LRRC4C: variants seen among roughly 807,000 people sequenced by gnomAD.
LRRC4C encodes leucine rich repeat containing 4C.
A neutral mutation model predicts 33.6 loss-of-function variants in LRRC4C; 5 were observed. The ratio of observed to expected loss-of-function variants is 0.15; its 90% CI spans 0.08 to 0.31. LRRC4C has a LOEUF of 0.31. Among genes scored for constraint, LRRC4C ranks in the 10% least tolerant of loss-of-function variants. The pLI is 1.00. For synonymous variants in LRRC4C, 329 were observed against 302.0 expected (o/e 1.09, Z -0.93); for missense variants, 560 against 796.7 (o/e 0.70, Z 3.58).
chr11:40,971,288 C>T (rs80285483), intron 1 of LRRC4C, among the ~76,000 whole-genome samples: 4,406 of 152,244 alleles, frequency 0.029, 239 homozygotes, highest in East Asian at 0.23. Flanking sequence ...GCCTCTCTGC[C>T]CTGCACATCC....
At chr11:41,398,486 T>G (rs555589945) in intron 1 of LRRC4C, among the ~76,000 whole-genome samples, 3 of 152,102 alleles carry the variant, frequency 2.0e-5, no homozygotes, top group African/African-American at 7.2e-5. Context: ...CACTGTAACA[T>G]TTTATTGCTG....
intron 3 of LRRC4C, among the ~76,000 whole-genome samples, chr11:40,432,846 TAG>T (rs915397511): frequency 1.3e-5 from 2 of 152,198 alleles, no homozygotes; most frequent in African/African-American, 2.4e-5. Flanking sequence ...AAGTGCTATT[TAG>T]AGAGTTATTA....
intron 3 of LRRC4C, among the ~76,000 whole-genome samples, chr11:40,567,492 T>A (rs569398460): frequency 3.1e-4 from 47 of 152,310 alleles, no homozygotes; most frequent in African/African-American, 1.1e-3. Context: ...ACACTTGGAT[T>A]TAGCAAAGTT....
At chr11:40,927,926 G>C (rs1301906094) in intron 2 of LRRC4C, among the ~76,000 whole-genome samples, 1 of 151,828 alleles carries the variant, frequency 6.6e-6, no homozygotes, top group African/African-American at 2.4e-5. Flanking sequence ...TGTCAGCGGG[G>C]GAAAAACATT....
chr11:40,744,875 G>T (rs1016168212), intron 2 of LRRC4C, among the ~76,000 whole-genome samples: 6 of 152,026 alleles, frequency 3.9e-5, no homozygotes, highest in Admixed American at 2.6e-4. Context: ...CTTATTGAGG[G>T]AAATGACTTA....
At chr11:41,027,789 G>A (rs1856473329) in intron 1 of LRRC4C, among the ~76,000 whole-genome samples, 1 of 151,552 alleles carries the variant, frequency 6.6e-6, no homozygotes, top group South Asian at 2.1e-4. Flanking sequence ...TTAATACCCA[G>A]GCATTGGGCA....
At chr11:40,579,195 G>A (rs1418574151) in intron 3 of LRRC4C, among the ~76,000 whole-genome samples, 2 of 152,112 alleles carry the variant, frequency 1.3e-5, no homozygotes, top group Non-Finnish European at 2.9e-5. Context: ...AAATTAGCCT[G>A]GATGATGGCA....
intron 4 of LRRC4C, among the ~76,000 whole-genome samples, chr11:40,319,073 C>T (rs562081628): frequency 3.9e-5 from 6 of 152,206 alleles, no homozygotes; most frequent in East Asian, 1.9e-4. Context: ...TAGGTCTCTC[C>T]GATCCTTCAG....
At chr11:40,858,647 T>C (rs2135814340) in intron 2 of LRRC4C, among the ~76,000 whole-genome samples, 1 of 134,754 alleles carries the variant, frequency 7.4e-6, no homozygotes, top group Admixed American at 8.3e-5. Flanking sequence ...TGAGCCAAGA[T>C]CGTGACACTG....
intron 6 of LRRC4C, among the ~76,000 whole-genome samples, chr11:40,123,692 C>T (rs76590903): frequency 9.3e-4 from 141 of 151,864 alleles, no homozygotes; most frequent in African/African-American, 3.3e-3. Flanking sequence ...CAATGCAATC[C>T]CTGTCAAAAT....
chr11:40,739,543 A>G (rs945392316), intron 2 of LRRC4C, among the ~76,000 whole-genome samples: 4 of 152,056 alleles, frequency 2.6e-5, no homozygotes, highest in African/African-American at 2.4e-5. Context: ...TATATGTAAT[A>G]TGGTTAGACT....
At chr11:40,802,144 A>G (rs1437479409) in intron 2 of LRRC4C, among the ~76,000 whole-genome samples, 1 of 152,180 alleles carries the variant, frequency 6.6e-6, no homozygotes, top group Admixed American at 6.5e-5. Context: ...CCATTGTCAG[A>G]ACTGTGCAAG....
At chr11:40,846,090 A>G (rs1365671701) in intron 2 of LRRC4C, among the ~76,000 whole-genome samples, 1 of 150,356 alleles carries the variant, frequency 6.7e-6, no homozygotes, top group Non-Finnish European at 1.5e-5. Context: ...CCTCTGTCAG[A>G]TGGACAGATT....
At chr11:41,061,225 G>A (rs1273039725) in intron 1 of LRRC4C, among the ~76,000 whole-genome samples, 7 of 152,248 alleles carry the variant, frequency 4.6e-5, no homozygotes, top group African/African-American at 1.2e-4. Flanking sequence ...GATGCAAGGC[G>A]AGGGAGGAAA....
At chr11:40,896,131 C>T (rs1955929271) in intron 2 of LRRC4C, among the ~76,000 whole-genome samples, 1 of 152,130 alleles carries the variant, frequency 6.6e-6, no homozygotes, top group Admixed American at 6.6e-5. Context: ...TCACTTCACA[C>T]GATTGGGTCC....
chr11:40,993,008 G>A (rs546837074), intron 1 of LRRC4C, among the ~76,000 whole-genome samples: 7 of 152,222 alleles, frequency 4.6e-5, no homozygotes, highest in Middle Eastern at 3.4e-3. Flanking sequence ...GCTCACAAAC[G>A]ATCCATGACA....
intron 2 of LRRC4C, among the ~76,000 whole-genome samples, chr11:40,789,990 T>A (rs964962780): frequency 2.0e-5 from 3 of 152,102 alleles, no homozygotes; most frequent in Non-Finnish European, 2.9e-5. Flanking sequence ...TGAACTGAAG[T>A]TTTTTGAGAT....
At chr11:40,477,183 G>T (rs892652703) in intron 3 of LRRC4C, among the ~76,000 whole-genome samples, 1 of 152,042 alleles carries the variant, frequency 6.6e-6, no homozygotes, top group African/African-American at 2.4e-5. Flanking sequence ...GCCATTGAAG[G>T]CCCCTTTTAG....
intron 2 of LRRC4C, among the ~76,000 whole-genome samples, chr11:40,738,601 T>C (rs1028748248): frequency 2.2e-4 from 33 of 152,118 alleles, no homozygotes; most frequent in Admixed American, 1.2e-3. Context: ...ATAAAGTCTG[T>C]AATAGAGCCA....
Sources: gnomAD v4.1 joint callset for allele counts (sites outside exome capture counted in the v4.1 genomes callset) on GRCh38, gnomAD v4.1.1 for gene constraint, MANE v1.5 for transcripts, NCBI Gene and HGNC (gene_info 2026-07-23, HGNC 2026-07-21) for gene names.